Variants in LSAMP observed in about 807,000 individuals in gnomAD.
LSAMP encodes limbic system associated membrane protein.
LSAMP carries 7 observed loss-of-function variants against 38.6 expected under a neutral mutation model. That is an observed-to-expected ratio of 0.18 (90% confidence interval 0.10 to 0.34). LSAMP has a LOEUF of 0.34. LSAMP is among the 10% of genes least tolerant of loss of function. LSAMP has a pLI of 1.00. For missense variants in LSAMP, 313 were observed against 420.0 expected, an observed-to-expected ratio of 0.75 and a Z score of 2.23; for synonymous variants, 154 against 166.8, an observed-to-expected ratio of 0.92 and a Z score of 0.59.
At chr3:115,925,192 G>C (rs570006004) in intron 3 of LSAMP, among the ~76,000 whole-genome samples, 9 of 152,100 alleles carry the variant, frequency 5.9e-5, no homozygotes, top group Admixed American at 2.0e-4. Flanking sequence ...GAGGGAGCTT[G>C]GACACATGGG....
chr3:116,344,975 A>G (rs568884725), intron 1 of LSAMP, among the ~76,000 whole-genome samples: 2 of 152,284 alleles, frequency 1.3e-5, no homozygotes, highest in South Asian at 4.1e-4. Context: ...AAGCAAATAG[A>G]TTGTAATCCC....
At chr3:116,308,826 G>T (rs573120107) in intron 1 of LSAMP, among the ~76,000 whole-genome samples, 9 of 152,176 alleles carry the variant, frequency 5.9e-5, no homozygotes, top group Non-Finnish European at 1.2e-4. Context: ...AAGTATCAAA[G>T]AATGCATGTG....
At chr3:116,177,491 T>C (rs900262686) in intron 1 of LSAMP, among the ~76,000 whole-genome samples, 15 of 152,142 alleles carry the variant, frequency 9.9e-5, no homozygotes, top group Admixed American at 3.3e-4. Flanking sequence ...TTGGTAAGTT[T>C]TCACAATGTA....
chr3:115,858,471 G>A (rs554032042), intron 3 of LSAMP, among the ~76,000 whole-genome samples: 1 of 152,230 alleles, frequency 6.6e-6, no homozygotes, highest in East Asian at 1.9e-4. Context: ...AGAATTCCAA[G>A]GAAAGTATGT....
At chr3:115,996,800 T>C (rs1295864473) in intron 3 of LSAMP, among the ~76,000 whole-genome samples, 1 of 152,124 alleles carries the variant, frequency 6.6e-6, no homozygotes, top group African/African-American at 2.4e-5. Context: ...TCCCTTCAAG[T>C]TATCAAGAAA....
chr3:115,881,141 T>C (rs1936312861), intron 3 of LSAMP, among the ~76,000 whole-genome samples: 2 of 152,160 alleles, frequency 1.3e-5, no homozygotes, highest in Admixed American at 6.6e-5. Flanking sequence ...AAGTTATTAA[T>C]ATCATACTTC....
chr3:116,441,829 T>C (rs2049439596), intron 1 of LSAMP, among the ~76,000 whole-genome samples: 1 of 152,202 alleles, frequency 6.6e-6, no homozygotes, highest in African/African-American at 2.4e-5. Flanking sequence ...GGTTGTTCTA[T>C]TTAGGGAGGA....
At chr3:116,433,003 T>A (rs1041245748) in intron 1 of LSAMP, among the ~76,000 whole-genome samples, 8 of 152,176 alleles carry the variant, frequency 5.3e-5, no homozygotes, top group Non-Finnish European at 1.0e-4. Flanking sequence ...TTGTATAAGG[T>A]GACAGCGATC....
At chr3:116,350,416 T>A (rs764407445) in intron 1 of LSAMP, among the ~76,000 whole-genome samples, 2 of 151,982 alleles carry the variant, frequency 1.3e-5, no homozygotes, top group Admixed American at 6.6e-5. Flanking sequence ...TCGAAAATAT[T>A]AAATGGAAAA....
intron 3 of LSAMP, among the ~76,000 whole-genome samples, chr3:115,944,643 C>G (rs201688167): frequency 1.3e-5 from 2 of 152,186 alleles, no homozygotes; most frequent in East Asian, 3.9e-4. Flanking sequence ...TATAAATTAT[C>G]TTAGTTATTA....
At chr3:115,895,233 T>C (rs999932544) in intron 3 of LSAMP, among the ~76,000 whole-genome samples, 8 of 152,040 alleles carry the variant, frequency 5.3e-5, no homozygotes, top group African/African-American at 1.9e-4. Flanking sequence ...GACTGTGAAT[T>C]GTGAGGGTTT....
At chr3:116,372,548 G>T (rs2048443149) in intron 1 of LSAMP, among the ~76,000 whole-genome samples, 1 of 151,712 alleles carries the variant, frequency 6.6e-6, no homozygotes, top group Non-Finnish European at 1.5e-5. Context: ...CAAAATAATA[G>T]ACAAAAAAGG....
chr3:116,332,982 T>C (rs1362598539), intron 1 of LSAMP, among the ~76,000 whole-genome samples: 3 of 151,926 alleles, frequency 2.0e-5, no homozygotes, highest in Admixed American at 6.6e-5. Flanking sequence ...ATCTTCAAAA[T>C]ACATAAAATA....
At chr3:116,379,688 A>AAT (rs1553729237) in intron 1 of LSAMP, among the ~76,000 whole-genome samples, 2 of 152,104 alleles carry the variant, frequency 1.3e-5, no homozygotes, top group South Asian at 2.1e-4. Context: ...AGAAGAAAAA[A>AAT]ATATATATAT....
At chr3:116,267,906 G>A (rs891875552) in intron 1 of LSAMP, among the ~76,000 whole-genome samples, 2 of 152,052 alleles carry the variant, frequency 1.3e-5, no homozygotes, top group African/African-American at 4.8e-5. Context: ...AAAAGTCAAT[G>A]GAGAGAGTCT....
At chr3:116,077,235 CCTAAA>C (rs1707764055) in intron 2 of LSAMP, among the ~76,000 whole-genome samples, 1 of 151,718 alleles carries the variant, frequency 6.6e-6, no homozygotes, top group Non-Finnish European at 1.5e-5. Context: ...GACTATAGCC[CCTAAA>C]CTAATGTTAC....
chr3:116,270,652 C>G (rs772046563), intron 1 of LSAMP, among the ~76,000 whole-genome samples: 1 of 152,088 alleles, frequency 6.6e-6, no homozygotes, highest in Non-Finnish European at 1.5e-5. Flanking sequence ...CAACTGTGAA[C>G]TGCCCAGGGG....
At chr3:116,142,233 G>A (rs1709386418) in intron 1 of LSAMP, among the ~76,000 whole-genome samples, 1 of 152,052 alleles carries the variant, frequency 6.6e-6, no homozygotes, top group Admixed American at 6.6e-5. Context: ...TAATTGCAAA[G>A]GGTGGCTAGA....
intron 3 of LSAMP, among the ~76,000 whole-genome samples, chr3:115,927,083 A>C (rs916418006): frequency 2.0e-5 from 3 of 152,208 alleles, no homozygotes; most frequent in African/African-American, 7.2e-5. Context: ...TGACTGTTTG[A>C]CTGACAAATT....
Sources: allele counts gnomAD v4.1 joint callset (sites outside exome capture counted in the v4.1 genomes callset), GRCh38; gene constraint gnomAD v4.1.1; transcripts MANE v1.5; gene names NCBI Gene and HGNC (gene_info 2026-07-23, HGNC 2026-07-21).